MFSD2A: variants seen among roughly 807,000 people sequenced by gnomAD.
MFSD2A encodes MFSD2 lysolipid transporter A, lysophospholipid, also known as sodium-dependent lysophosphatidylcholine symporter 1.
Under a neutral mutation model 64.7 loss-of-function variants are expected in MFSD2A, and 27 were observed. The ratio of observed to expected loss-of-function variants is 0.42; its 90% CI spans 0.31 to 0.58. The LOEUF is 0.58. Among genes scored for constraint, MFSD2A ranks in the 20% least tolerant of loss-of-function variants. The probability of loss-of-function intolerance (pLI) is 0.18; values close to 1 mark genes in which losing one functional copy is unlikely to be tolerated. For missense variants in MFSD2A, 474 were observed against 679.5 expected (o/e 0.70, Z 3.36); for synonymous variants, 258 against 273.4 (o/e 0.94, Z 0.55).
Position 39,958,665 on chromosome 1 carries a change from G to T in MFSD2A, c.229-36G>T. On this transcript the variant is annotated intron_variant, in intron 2 of 13. Transcript: ENST00000372811. The surrounding 1 kb of genome is among the most constrained non-coding windows in gnomAD (Gnocchi z 4.7). Reference sequence around the variant, plus strand: ...CAGTGAGAGTTGAGGCGAGTAGAAGGATGAGGAAGTTGTCTTTTGCTTCTC... The same window carrying T: ...CAGTGAGAGTTGAGGCGAGTAGAAGTATGAGGAAGTTGTCTTTTGCTTCTC... The T allele has an allele frequency of 6.2e-7, 1 of 1,614,082 alleles. No homozygotes were observed. The highest frequency in any genetic ancestry group is 1.1e-5 in the South Asian group (1 of 91,080).
rs1384376491 is a variant in MFSD2A at position 39,968,488 on chromosome 1, T to TG, written c.1352+15dup. The TG allele has an allele frequency of 6.2e-7, 1 of 1,613,814 alleles. No homozygotes were observed. Among genetic ancestry groups the TG allele is most frequent in the Non-Finnish European group, 8.5e-7 (1 of 1,179,912 alleles). ...TACCCTCAGTCTGGAGTGAGTGGGG[T>TG]GGGGACCTGGGGCAGGACTGGGCAG... On this transcript the variant is annotated intron_variant, in intron 12 of 13. Transcript: ENST00000372811. The surrounding 1 kb of genome is among the most constrained non-coding windows in gnomAD (Gnocchi z 4.4).
In MFSD2A at chr1:39,966,451, C is replaced by T. The variant is rs1055436566; in HGVS notation, c.715-150C>T. ...CAGCCTTGGGAAGCAACAGCAGGCCCAGGATGATCCTCCCATTTCACACAT... is the reference window on the plus strand; with the variant it reads ...CAGCCTTGGGAAGCAACAGCAGGCCTAGGATGATCCTCCCATTTCACACAT... On this transcript the variant is annotated intron_variant, in intron 6 of 13. Transcript: ENST00000372811. 4 of 695,102 alleles carry T rather than the reference C, an allele frequency of 5.8e-6. No homozygotes were observed. The Admixed American group carries it at 7.3e-5, about 13-fold the overall frequency. The allele number at this position is 695,102 out of a possible 1,614,324, so 43.1% of individuals were successfully genotyped here. A position where few individuals can be genotyped will look rare whatever the true frequency, so the allele number is the denominator to read the frequency against.
chr1:39,962,514 T>G (rs1645065461), intron 3 of MFSD2A, among the ~76,000 whole-genome samples: 1 of 152,250 alleles, frequency 6.6e-6, no homozygotes. Context: ...CTTTAAAAAA[T>G]GTTTACGAGC....
At chr1:39,966,557 G>A in intron 6 of MFSD2A, 44 bp from the exon 7 acceptor site, 2 of 1,541,262 alleles carry the variant, frequency 1.3e-6, no homozygotes, top group Non-Finnish European at 1.8e-6. Context: ...GCTGGGATGA[G>A]CTCAAACTGA....
In MFSD2A at chr1:39,969,523, T is replaced by A. The variant is rs1317711743; in HGVS notation, c.1548T>A (p.Ser516=). The A allele has an allele frequency of 1.9e-6, 3 of 1,599,416 alleles. No individual in the cohort carries two copies. In the East Asian group the frequency reaches 6.9e-5, roughly 37 times the overall value. The change falls in exon 14 of 14, where the codon TCT becomes TCA. Residue 516 remains serine (S), a synonymous_variant. Transcript: ENST00000372811. The stretch of plus-strand genomic sequence containing the variant: ...CTTGCAGGGACGAGGCCAGCAGCTC[T>A]GGCTGCTCAGAAACAGACTCCACAG... ...LQALRDEASS[S]GCSETDSTEL... is the part of the protein sequence containing the mutation.
In MFSD2A at chr1:39,960,732, C is replaced by T. The variant is rs1645020999; in HGVS notation, c.353+1907C>T. On this transcript the variant is annotated intron_variant, in intron 3 of 13. Coordinates refer to ENST00000372811, the MANE Select transcript of MFSD2A (RefSeq NM_032793.5). This position sits in a 1 kb window ranked among gnomAD's most constrained non-coding sequence, Gnocchi z 4.8. ...CAAAGGCTGATGAGGAGCTCTTGTT[C>T]CCTGAGGAGACAGAGTCAAGAGAGG... 6.6e-6 allele frequency among the ~76,000 whole-genome samples: 1 copy of T among 152,210 alleles called. No individual in the cohort carries two copies. Among genetic ancestry groups the T allele is most frequent in the Non-Finnish European group, 1.5e-5 (1 of 68,026 alleles).
chr1:39,966,037 G>A (rs780832014), intron 6 of MFSD2A, 23 bp downstream of exon 6: 2 of 1,612,944 alleles, frequency 1.2e-6, no homozygotes, highest in Non-Finnish European at 8.5e-7. Flanking sequence ...GCAGGGCAGG[G>A]ATTTGGGGAG....
In MFSD2A at chr1:39,964,911, G is replaced by C. The variant is rs1645124370; in HGVS notation, c.354-300G>C. 4.8e-6 allele frequency: 2 copies of C among 415,050 alleles called. No homozygotes were observed. 25.7% of individuals were successfully genotyped at this position (415,050 alleles called of 1,614,324 possible). A position where few individuals can be genotyped will look rare whatever the true frequency, so the allele number is the denominator to read the frequency against. ...CCTTGCCCAGGCACCTGAGGTCTTG[G>C]ACTCCTGTCCTAACTCTCAGCCCAT... On this transcript the variant is annotated intron_variant, in intron 3 of 13. Coordinates refer to ENST00000372811, the MANE Select transcript of MFSD2A (RefSeq NM_032793.5). This position sits in a 1 kb window ranked among gnomAD's most constrained non-coding sequence, Gnocchi z 4.1.
rs764043196 is a variant in MFSD2A, at chr1:39,965,296, T to C, written c.439T>C (p.Tyr147His). The C allele has an allele frequency of 1.9e-6, 3 of 1,614,022 alleles. No individual in the cohort carries two copies. Among genetic ancestry groups the C allele is most frequent in the South Asian group, 2.2e-5 (2 of 91,090 alleles). ...PDFPHGQTYW[Y>H]LLFYCLFETM... ...CTTCCCACACGGCCAGACCTATTGGTACCTGCTTTTCTATTGCCTCTTTGA... is the reference window on the plus strand; with the variant it reads ...CTTCCCACACGGCCAGACCTATTGGCACCTGCTTTTCTATTGCCTCTTTGA... The change falls in exon 4 of 14, where the codon TAC (tyrosine) becomes CAC (histidine). Residue 147 changes from tyrosine (Y) to histidine (H), a missense_variant. Physicochemically the swap from Tyr to His is moderately conservative, Grantham distance 83. Transcript: ENST00000372811. The surrounding 1 kb of genome is among the most constrained non-coding windows in gnomAD (Gnocchi z 5.5).
chr1:39,966,488 G>T, intron 6 of MFSD2A, 113 bp from the exon 7 acceptor site: 1 of 815,442 alleles, frequency 1.2e-6, no homozygotes, highest in East Asian at 2.5e-5. Flanking sequence ...GAGACAGTAC[G>T]CTCCCAGAGG....
At position 39,963,859 on chromosome 1, in the gene MFSD2A, C is replaced by A. The variant is rs915926537; in HGVS notation, c.354-1352C>A. 6.6e-6 allele frequency among the ~76,000 whole-genome samples: 1 copy of A among 152,164 alleles called. No homozygotes were observed. The highest frequency in any genetic ancestry group is 2.4e-5 in the African/African-American group (1 of 41,430). ...AAGTGATTCTCCCGCTTCAGCCTCC[C>A]GAGGAGCTGGGACTACAGGTGTGCG... On this transcript the variant is annotated intron_variant, in intron 3 of 13. Transcript: ENST00000372811. This position sits in a 1 kb window ranked among gnomAD's most constrained non-coding sequence, Gnocchi z 4.2.
intron 3 of MFSD2A, among the ~76,000 whole-genome samples, chr1:39,962,024 G>A (rs923049966): frequency 1.3e-5 from 2 of 152,198 alleles, no homozygotes; most frequent in East Asian, 3.8e-4. Flanking sequence ...GATCATTATA[G>A]CACTTAGTGT....
Position 39,969,501 on chromosome 1 carries a change from G to GCA in MFSD2A, c.1530-3_1530-2dup. On this transcript the variant is annotated splice_region_variant and splice_polypyrimidine_tract_variant and intron_variant, in intron 13 of 13. Coordinates refer to ENST00000372811, the MANE Select transcript of MFSD2A (RefSeq NM_032793.5). ...CTCCAACCCATCTCCTCTCTCTCTT[G>GCA]CAGGGACGAGGCCAGCAGCTCTGGC... 1 of 1,597,586 alleles carries GCA rather than the reference G, an allele frequency of 6.3e-7. No individual in the cohort carries two copies. Among genetic ancestry groups the GCA allele is most frequent in the Non-Finnish European group, 8.5e-7 (1 of 1,173,184 alleles).
In MFSD2A at chr1:39,966,887, C is replaced by T. The variant is rs200845828; in HGVS notation, c.882C>T (p.Tyr294=). ...GLRLVMSHGP[Y]IKLITGFLFT... is the part of the protein sequence containing the mutation. ...GGCTGGTCATGAGCCACGGCCCATA[C>T]ATCAAACTTATTACTGGCTTCCTCT... Residue 294 remains tyrosine (Y), a synonymous_variant, in exon 8 of 14, where the codon TAC becomes TAT. Coordinates refer to ENST00000372811, the MANE Select transcript of MFSD2A (RefSeq NM_032793.5). The T allele has an allele frequency of 2.0e-5, 33 of 1,613,816 alleles. No homozygotes were observed. The East Asian group carries it at 5.8e-4, about 28-fold the overall frequency.
At position 39,965,676 on chromosome 1, in the gene MFSD2A, T is replaced by A; in HGVS notation, c.556+127T>A. ...TGAAACCATCTTAAAAATAACTCAATCCCCTTATTGCTCAGATGAGACCTG... is the reference window on the plus strand; with the variant it reads ...TGAAACCATCTTAAAAATAACTCAAACCCCTTATTGCTCAGATGAGACCTG... On this transcript the variant is annotated intron_variant, in intron 5 of 13. Coordinates refer to ENST00000372811, the MANE Select transcript of MFSD2A (RefSeq NM_032793.5). This position sits in a 1 kb window ranked among gnomAD's most constrained non-coding sequence, Gnocchi z 5.5. 8.1e-7 allele frequency: 1 copy of A among 1,239,346 alleles called. No individual in the cohort carries two copies. Among genetic ancestry groups the A allele is most frequent in the Non-Finnish European group, 1.2e-6 (1 of 862,486 alleles). 76.8% of individuals were successfully genotyped at this position (1,239,346 alleles called of 1,614,324 possible). A position where few individuals can be genotyped will look rare whatever the true frequency, so the allele number is the denominator to read the frequency against.
In MFSD2A at chr1:39,968,104, G is replaced by A; in HGVS notation, c.1208+188G>A. ...CTTTGCAAGAACACCTAGTCAGAGT[G>A]AAAAATGGGGGCTGTAATCTGGCCT... On this transcript the variant is annotated intron_variant, in intron 11 of 13. Coordinates refer to ENST00000372811, the MANE Select transcript of MFSD2A (RefSeq NM_032793.5). This position sits in a 1 kb window ranked among gnomAD's most constrained non-coding sequence, Gnocchi z 4.4. 1.5e-6 allele frequency: 1 copy of A among 647,496 alleles called. No individual in the cohort carries two copies. Among genetic ancestry groups the A allele is most frequent in the Admixed American group, 2.9e-5 (1 of 34,186 alleles). 40.1% of individuals were successfully genotyped at this position (647,496 alleles called of 1,614,324 possible). A position where few individuals can be genotyped will look rare whatever the true frequency, so the allele number is the denominator to read the frequency against.
At position 39,958,833 on chromosome 1, in the gene MFSD2A, G is replaced by T. The variant is rs1377845953; in HGVS notation, c.353+8G>T. ...GGGTCGCCTTATGCCCTGGTGAGTA[G>T]AATATGCCCCTTCGAGGTGGCACAA... On this transcript the variant is annotated splice_region_variant and intron_variant, in intron 3 of 13. Transcript: ENST00000372811. The surrounding 1 kb of genome is among the most constrained non-coding windows in gnomAD (Gnocchi z 4.7). 5 of 1,587,884 alleles carry T rather than the reference G, an allele frequency of 3.1e-6. No individual in the cohort carries two copies. Among genetic ancestry groups the T allele is most frequent in the Non-Finnish European group, 3.4e-6 (4 of 1,166,348 alleles).
chr1:39,965,774 G>T lies in MFSD2A; in HGVS notation c.557-83G>T. The T allele has an allele frequency of 6.4e-7, 1 of 1,557,776 alleles. No individual in the cohort carries two copies. Among genetic ancestry groups the T allele is most frequent in the Middle Eastern group, 2.3e-4 (1 of 4,328 alleles). On this transcript the variant is annotated intron_variant, in intron 5 of 13. Coordinates refer to ENST00000372811, the MANE Select transcript of MFSD2A (RefSeq NM_032793.5). This position sits in a 1 kb window ranked among gnomAD's most constrained non-coding sequence, Gnocchi z 5.5. ...TCTACCCACCCTGCCTGGAGCTACCGCTGGGCTCCCACCCATTTGACCTTC... is the reference window on the plus strand; with the variant it reads ...TCTACCCACCCTGCCTGGAGCTACCTCTGGGCTCCCACCCATTTGACCTTC...
In MFSD2A at chr1:39,965,780, C is replaced by T; in HGVS notation, c.557-77C>T. ...CACCCTGCCTGGAGCTACCGCTGGG[C>T]TCCCACCCATTTGACCTTCCTCCCT... On this transcript the variant is annotated intron_variant, in intron 5 of 13. Coordinates refer to ENST00000372811, the MANE Select transcript of MFSD2A (RefSeq NM_032793.5). The surrounding 1 kb of genome is among the most constrained non-coding windows in gnomAD (Gnocchi z 5.5). 1.9e-6 allele frequency: 3 copies of T among 1,576,804 alleles called. No homozygotes were observed. Among genetic ancestry groups the T allele is most frequent in the Non-Finnish European group, 8.7e-7 (1 of 1,154,458 alleles).
Sources: allele counts gnomAD v4.1 joint callset (sites outside exome capture counted in the v4.1 genomes callset), GRCh38; gene constraint gnomAD v4.1.1; non-coding constraint Gnocchi (gnomAD v3.1); transcripts MANE v1.5; gene names NCBI Gene and HGNC (gene_info 2026-07-23, HGNC 2026-07-21).